LARGE1: variants seen among roughly 807,000 people sequenced by gnomAD.
LARGE1 encodes xylosyl- and glucuronyltransferase LARGE1.
In LARGE1, 43 loss-of-function variants were observed where a neutral mutation model predicts 87.6. That is an observed-to-expected ratio of 0.49 (90% CI 0.38 to 0.63). LARGE1 has a LOEUF of 0.63. Ranked by LOEUF, LARGE1 falls within the 30% of genes least tolerant of loss-of-function variation. The pLI is 0.00. For missense variants in LARGE1, 802 were observed against 1,000.2 expected (o/e 0.80, Z 2.67); for synonymous variants, 434 against 394.6 (o/e 1.10, Z -1.18).
chr22:33,208,996 AG>A (rs1924825231), intron 11 of LARGE1, among the ~76,000 whole-genome samples: 1 of 152,192 alleles, frequency 6.6e-6, no homozygotes, highest in African/African-American at 2.4e-5. Flanking sequence ...GTTGGTTCAA[AG>A]TCTTTGCTAT....
chr22:33,713,571 C>T (rs1039134407), intron 2 of LARGE1, among the ~76,000 whole-genome samples: 1 of 152,016 alleles, frequency 6.6e-6, no homozygotes. Flanking sequence ...CTGTTGTAGG[C>T]TCTTTTTTTT....
intron 1 of LARGE1, among the ~76,000 whole-genome samples, chr22:33,763,286 G>A (rs531868623): frequency 2.6e-5 from 4 of 152,122 alleles, no homozygotes; most frequent in East Asian, 1.9e-4. Flanking sequence ...TAATGGAGCC[G>A]ATCACAACTG....
chr22:33,690,462 G>A (rs2082067393), intron 2 of LARGE1, among the ~76,000 whole-genome samples: 1 of 152,026 alleles, frequency 6.6e-6, no homozygotes, highest in African/African-American at 2.4e-5. Flanking sequence ...TACATCCCCA[G>A]GTAAGGCTGG....
chr22:33,252,077 A>G (rs1391366626), intron 11 of LARGE1, among the ~76,000 whole-genome samples: 1 of 152,214 alleles, frequency 6.6e-6, no homozygotes, highest in African/African-American at 2.4e-5. Context: ...TACTAAATAC[A>G]TGGCAAAGCT....
chr22:33,574,568 G>A (rs889875334), intron 5 of LARGE1, among the ~76,000 whole-genome samples: 3 of 151,964 alleles, frequency 2.0e-5, no homozygotes, highest in African/African-American at 7.3e-5. Context: ...CAATCAGATA[G>A]AGATGTCTGG....
intron 1 of LARGE1, among the ~76,000 whole-genome samples, chr22:33,916,450 T>C (rs2065789590): frequency 6.6e-6 from 1 of 152,194 alleles, no homozygotes; most frequent in Admixed American, 6.5e-5. Context: ...AAAAGTCTTA[T>C]AAAATACATT....
rs1467610393 is a variant in LARGE1 at position 33,358,436 on chromosome 22, T to C, written c.1132-20635A>G. ...CTGTGACATGTTCAGTATGCTGATA[T>C]ATGGTAGCCCCTCATCTTCCCCCAA... On this transcript the variant is annotated intron_variant, in intron 9 of 14. Transcript: ENST00000397394. 3.9e-5 allele frequency among the ~76,000 whole-genome samples: 6 copies of C among 152,170 alleles called. No homozygotes were observed. In the South Asian group the frequency reaches 6.2e-4, roughly 16 times the overall value.
At chr22:33,816,308 G>A (rs141402128) in intron 1 of LARGE1, among the ~76,000 whole-genome samples, 2,784 of 152,236 alleles carry the variant, frequency 0.018, 49 homozygotes, top group Non-Finnish European at 0.024. Context: ...AAATGCCACC[G>A]ACTAGGTAGC....
In LARGE1 at chr22:33,397,341, C is replaced by T. The variant is rs576256476; in HGVS notation, c.893-13037G>A. Among the ~76,000 whole-genome samples, 614 of 152,268 alleles carry T rather than the reference C, an allele frequency of 4.0e-3. 4 individuals are homozygous for T. Among genetic ancestry groups the T allele is most frequent in the African/African-American group, 0.014 (593 of 41,554 alleles). On this transcript the variant is annotated intron_variant, in intron 7 of 14. Coordinates refer to ENST00000397394, the MANE Select transcript of LARGE1 (RefSeq NM_133642.5). ...TGTTGGTCAGGCTGGTCTCGAACTC[C>T]CGACCTCAGCTGATCCTACCGCCTT...
intron 6 of LARGE1, among the ~76,000 whole-genome samples, chr22:33,508,775 T>C (rs565132293): frequency 7.2e-5 from 11 of 152,252 alleles, no homozygotes; most frequent in African/African-American, 2.6e-4. Context: ...TCACGTGACA[T>C]TTGTCTCCCG....
At chr22:33,665,949 A>G (rs2081255984) in intron 2 of LARGE1, among the ~76,000 whole-genome samples, 1 of 152,120 alleles carries the variant, frequency 6.6e-6, no homozygotes, top group South Asian at 2.1e-4. Flanking sequence ...GTAAAGTTTA[A>G]GTAACTTGCA....
At chr22:33,377,365 C>T (rs530573685) in intron 9 of LARGE1, among the ~76,000 whole-genome samples, 2 of 152,274 alleles carry the variant, frequency 1.3e-5, no homozygotes, top group African/African-American at 4.8e-5. Flanking sequence ...ATCCTTTGGC[C>T]AAAGATAATT....
At chr22:33,880,298 C>T (rs1300668810) in intron 1 of LARGE1, among the ~76,000 whole-genome samples, 1 of 152,120 alleles carries the variant, frequency 6.6e-6, no homozygotes, top group Non-Finnish European at 1.5e-5. Flanking sequence ...AAGGTCTTGA[C>T]CAAAATCTCA....
At position 33,308,138 on chromosome 22, in the gene LARGE1, C is replaced by T. The variant is rs200931601; in HGVS notation, c.1452-3631G>A. Among the ~76,000 whole-genome samples, 29 of 152,250 alleles carry T rather than the reference C, an allele frequency of 1.9e-4. 1 individual carries two copies. In the South Asian group the frequency reaches 2.3e-3, roughly 12 times the overall value. On this transcript the variant is annotated intron_variant, in intron 11 of 14. Transcript: ENST00000397394. ...AGTCCCATTAAAGCTGGAAGCCTCA[C>T]GCAGTCTCTGTAGTCATAAAGGAAC...
rs1453292411 is a variant in LARGE1 at position 33,397,059 on chromosome 22, C to A, written c.893-12755G>T. ...GACCAAGAAACAGAATATCACTAAA[C>A]CAGAATCCCCCTTACAGTCAAAAAC... On this transcript the variant is annotated intron_variant, in intron 7 of 14. Transcript: ENST00000397394. 2.0e-5 allele frequency among the ~76,000 whole-genome samples: 3 copies of A among 152,242 alleles called. No individual in the cohort carries two copies. The South Asian group carries it at 6.2e-4, about 32-fold the overall frequency.
the LARGE1 span, among the ~76,000 whole-genome samples, chr22:33,141,773 G>C: frequency 6.6e-6 from 1 of 152,102 alleles, no homozygotes; most frequent in Admixed American, 6.5e-5. Flanking sequence ...TTAGTTTCTT[G>C]AACATATTTC....
chr22:33,871,183 T>C (rs2064269124), intron 1 of LARGE1, among the ~76,000 whole-genome samples: 1 of 152,216 alleles, frequency 6.6e-6, no homozygotes, highest in African/African-American at 2.4e-5. Flanking sequence ...ATACATCCCA[T>C]TAGCTCAAAT....
chr22:33,389,555 G>A (rs1013077406), intron 7 of LARGE1, among the ~76,000 whole-genome samples: 1 of 152,170 alleles, frequency 6.6e-6, no homozygotes, highest in African/African-American at 2.4e-5. Flanking sequence ...TTTTAGAAAA[G>A]CCAAACTAGC....
chr22:33,225,938 C>T lies in LARGE1; in HGVS notation c.1731-59106G>A, dbSNP rs183613663. On this transcript the variant is annotated intron_variant, in intron 11 of 11. Transcript: ENST00000608642. The stretch of plus-strand genomic sequence containing the variant: ...AGTATTCTATGGTGTATATGTACCA[C>T]ATTTTCTTTATCCAGTCTACCATTG... Among the ~76,000 whole-genome samples the T allele has an allele frequency of 3.9e-5, 6 of 152,322 alleles. No homozygotes were observed. In the East Asian group the frequency reaches 9.6e-4, roughly 24 times the overall value.
Sources: gnomAD v4.1 joint callset for allele counts (sites outside exome capture counted in the v4.1 genomes callset) on GRCh38, gnomAD v4.1.1 for gene constraint, MANE v1.5 for transcripts, NCBI Gene and HGNC (gene_info 2026-07-23, HGNC 2026-07-21) for gene names.